Variants in ADAMTS19 observed in about 807,000 individuals in gnomAD.
The protein encoded by ADAMTS19 is ADAM metallopeptidase with thrombospondin type 1 motif 19, also known as A disintegrin and metalloproteinase with thrombospondin motifs 19.
Under a neutral mutation model 153.3 loss-of-function variants are expected in ADAMTS19, and 93 were observed. The observed-to-expected ratio is 0.61, with a 90% CI of 0.51 to 0.72. ADAMTS19 has a LOEUF of 0.72. ADAMTS19 is among the 30% of genes least tolerant of loss of function. The pLI is 0.00. For synonymous variants in ADAMTS19, 600 were observed against 556.6 expected (o/e 1.08, Z -1.10); for missense variants, 1,482 against 1,552.1 (o/e 0.95, Z 0.76).
chr5:129,479,177 G>A (rs1750328712), intron 2 of ADAMTS19, among the ~76,000 whole-genome samples: 1 of 152,096 alleles, frequency 6.6e-6, no homozygotes, highest in South Asian at 2.1e-4. Flanking sequence ...ATGTCATGAA[G>A]ATACTTTGTT....
intron 4 of ADAMTS19, among the ~76,000 whole-genome samples, chr5:129,527,177 T>C (rs1752040376): frequency 6.6e-6 from 1 of 151,876 alleles, no homozygotes; most frequent in Non-Finnish European, 1.5e-5. Context: ...TGTACTCTGT[T>C]GGGCAAACCT....
intron 21 of ADAMTS19, among the ~76,000 whole-genome samples, chr5:129,714,362 T>C (rs1364194821): frequency 7.3e-6 from 1 of 137,632 alleles, no homozygotes; most frequent in Non-Finnish European, 1.5e-5. Flanking sequence ...GAGCTTGCAG[T>C]GAGCCGAGAT....
intron 2 of ADAMTS19, among the ~76,000 whole-genome samples, chr5:129,493,830 C>T (rs1476101902): frequency 6.6e-6 from 1 of 152,100 alleles, no homozygotes; most frequent in African/African-American, 2.4e-5. Flanking sequence ...AGAAGTTCTA[C>T]CATTAGTTTA....
intron 6 of ADAMTS19, among the ~76,000 whole-genome samples, chr5:129,538,964 C>T (rs1043131621): frequency 1.3e-5 from 2 of 152,058 alleles, no homozygotes; most frequent in Non-Finnish European, 2.9e-5. Context: ...CTCTGCTCTC[C>T]AACCCTAAGG....
At chr5:129,479,910 T>G (rs1308810856) in intron 2 of ADAMTS19, among the ~76,000 whole-genome samples, 1 of 152,166 alleles carries the variant, frequency 6.6e-6, no homozygotes, top group South Asian at 2.1e-4. Flanking sequence ...ATAGATTTGG[T>G]ACACTCATTT....
At chr5:129,609,936 A>G (rs1269473104) in intron 8 of ADAMTS19, among the ~76,000 whole-genome samples, 2 of 152,162 alleles carry the variant, frequency 1.3e-5, no homozygotes, top group Non-Finnish European at 2.9e-5. Flanking sequence ...CAGTAGTTTC[A>G]CATCTCTAAT....
At chr5:129,493,511 A>AT (rs1035049233) in intron 2 of ADAMTS19, among the ~76,000 whole-genome samples, 2 of 151,682 alleles carry the variant, frequency 1.3e-5, no homozygotes, top group African/African-American at 4.9e-5. Context: ...ATGCTTTGTA[A>AT]TTTTTTAAAA....
At chr5:129,549,598 A>G (rs1195727921) in intron 6 of ADAMTS19, among the ~76,000 whole-genome samples, 1 of 151,686 alleles carries the variant, frequency 6.6e-6, no homozygotes, top group Non-Finnish European at 1.5e-5. Flanking sequence ...TCAAAAAATT[A>G]TAAGCACAAT....
At position 129,641,947 on chromosome 5, in the gene ADAMTS19, G is replaced by A. The variant is rs755979084; in HGVS notation, c.1859G>A (p.Cys620Tyr). 1.3e-6 allele frequency: 2 copies of A among 1,592,246 alleles called. No individual in the cohort carries two copies. The highest frequency in any genetic ancestry group is 2.3e-5 in the South Asian group (2 of 88,822). The change falls in exon 11 of 23, where the codon TGT becomes TAT. Residue 620 changes from cysteine to tyrosine, a missense_variant. This residue lies in a region of ADAMTS19 where 866 missense variants were observed against 827.7 expected (regional missense o/e 1.05). Coordinates refer to ENST00000274487, the MANE Select transcript of ADAMTS19 (RefSeq NM_133638.6). ...GACCCACCAATGGATGGAACTGACT[G>A]TGACCTTGGTAAGGTAAGTCATTTG... ...KLDPPMDGTD[C>Y]DLGKWCKAGE... is the part of the protein sequence containing the mutation.
rs183546769 is a variant in ADAMTS19, at chr5:129,560,859, A to T, written c.1372+8952A>T. On this transcript the variant is annotated intron_variant, in intron 7 of 22. Coordinates refer to ENST00000274487, the MANE Select transcript of ADAMTS19 (RefSeq NM_133638.6). ...TTAAGATGTCACCGCAAGTTTTTTTAAAAAAATAGTTTTAGAAACTGTTTT... is the reference window on the plus strand; with the variant it reads ...TTAAGATGTCACCGCAAGTTTTTTTTAAAAAATAGTTTTAGAAACTGTTTT... Among the ~76,000 whole-genome samples the T allele has an allele frequency of 3.2e-3, 491 of 152,242 alleles. 2 individuals are homozygous for T. The highest frequency in any genetic ancestry group is 0.011 in the African/African-American group (474 of 41,544).
chr5:129,609,091 T>C (rs956125564), intron 8 of ADAMTS19, among the ~76,000 whole-genome samples: 1 of 152,194 alleles, frequency 6.6e-6, no homozygotes, highest in African/African-American at 2.4e-5. Context: ...CTGTCCCCAT[T>C]GTACTCTTTA....
At chr5:129,470,928 C>G (rs142558238) in intron 2 of ADAMTS19, among the ~76,000 whole-genome samples, 153 of 152,120 alleles carry the variant, frequency 1.0e-3, no homozygotes, top group African/African-American at 3.6e-3. Flanking sequence ...GCCCTCAACT[C>G]TTTTTGTAGT....
chr5:129,679,804 G>C lies in ADAMTS19; in HGVS notation c.2547G>C (p.Trp849Cys). 1 of 1,613,754 alleles carries C rather than the reference G, an allele frequency of 6.2e-7. No homozygotes were observed. Among genetic ancestry groups the C allele is most frequent in the South Asian group, 1.1e-5 (1 of 91,038 alleles). Residue 849 changes from tryptophan to cysteine, a missense_variant, in exon 17 of 23, where the codon TGG becomes TGC. By Grantham distance (215) the Trp-to-Cys change is radical. Coordinates refer to ENST00000274487, the MANE Select transcript of ADAMTS19 (RefSeq NM_133638.6). Reference protein sequence around the residue: ...DAGKQSINSDWKIEHSGAFNL... With the variant: ...DAGKQSINSDCKIEHSGAFNL... Reference sequence around the variant, plus strand: ...GCAAACAGTCTATTAATAGTGACTGGAAGATTGAACACTCTGGAGCCTTCA... The same window carrying C: ...GCAAACAGTCTATTAATAGTGACTGCAAGATTGAACACTCTGGAGCCTTCA...
intron 8 of ADAMTS19, among the ~76,000 whole-genome samples, chr5:129,612,470 C>A (rs899936731): frequency 1.2e-4 from 19 of 152,038 alleles, no homozygotes; most frequent in African/African-American, 4.6e-4. Context: ...AAATAAAATA[C>A]TTTAAGACAA....
At chr5:129,661,602 C>T (rs1753815649) in intron 15 of ADAMTS19, among the ~76,000 whole-genome samples, 1 of 152,148 alleles carries the variant, frequency 6.6e-6, no homozygotes, top group South Asian at 2.1e-4. Context: ...TTTACTAAAT[C>T]ATTCTTGTTG....
intron 10 of ADAMTS19, among the ~76,000 whole-genome samples, chr5:129,631,678 GTGTT>G (rs948384258): frequency 1.3e-5 from 2 of 151,680 alleles, no homozygotes; most frequent in Non-Finnish European, 2.9e-5. Context: ...CTGATTTTGT[GTGTT>G]TATTTTTTTG....
intron 2 of ADAMTS19, among the ~76,000 whole-genome samples, chr5:129,487,569 G>A (rs1016661884): frequency 2.0e-5 from 3 of 152,024 alleles, no homozygotes; most frequent in South Asian, 2.1e-4. Context: ...AAATATCAGA[G>A]TTCTATTTGT....
rs537637364 is a variant in ADAMTS19 at position 129,556,818 on chromosome 5, A to G, written c.1372+4911A>G. Among the ~76,000 whole-genome samples, 247 of 152,340 alleles carry G rather than the reference A, an allele frequency of 1.6e-3. 1 individual carries two copies. Among genetic ancestry groups the G allele is most frequent in the African/African-American group, 5.8e-3 (243 of 41,584 alleles). On this transcript the variant is annotated intron_variant, in intron 7 of 22. Transcript: ENST00000274487. The stretch of plus-strand genomic sequence containing the variant: ...GCAGCTTCTAGAACATGCAAAAACA[A>G]GGAAATAGAATCTTCCCTAGAGCCG...
chr5:129,648,825 T>A lies in ADAMTS19; in HGVS notation c.2031T>A (p.Asn677Lys), dbSNP rs2127042458. Residue 677 changes from asparagine (N) to lysine (K), a missense_variant, in exon 13 of 23, where the codon AAT becomes AAA. Coordinates refer to ENST00000274487, the MANE Select transcript of ADAMTS19 (RefSeq NM_133638.6). ...TAGATTCTGAAGCAAGGGATTGTAA[T>A]GGTCCCAGAAAACAATACAGAATAT... ...PGLDSEARDC[N>K]GPRKQYRICE... 6.2e-7 allele frequency: 1 copy of A among 1,613,866 alleles called. No homozygotes were observed. The highest frequency in any genetic ancestry group is 1.1e-5 in the South Asian group (1 of 90,978).
Sources: gnomAD v4.1 joint callset for allele counts (sites outside exome capture counted in the v4.1 genomes callset) on GRCh38, gnomAD v4.1.1 for gene constraint, gnomAD v4.1.1 regional missense constraint, MANE v1.5 for transcripts, NCBI Gene and HGNC (gene_info 2026-07-23, HGNC 2026-07-21) for gene names.